LMO7: variants seen among roughly 807,000 people sequenced by gnomAD.
LMO7 encodes LIM domain 7.
Under a neutral mutation model 206.5 loss-of-function variants are expected in LMO7, and 120 were observed. The ratio of observed to expected loss-of-function variants is 0.58; its 90% CI spans 0.50 to 0.68. LMO7 has a LOEUF of 0.68. Ranked by LOEUF, LMO7 falls within the 30% of genes least tolerant of loss-of-function variation. The pLI, the probability that LMO7 is intolerant of heterozygous loss-of-function variation, is 0.00. For missense variants in LMO7, 1,959 were observed against 1,957.9 expected (o/e 1.00, Z -0.01); for synonymous variants, 706 against 681.5 (o/e 1.04, Z -0.56).
chr13:75,725,454 C>A (rs2044389763), intron 2 of LMO7, among the ~76,000 whole-genome samples: 1 of 152,106 alleles, frequency 6.6e-6, no homozygotes, highest in African/African-American at 2.4e-5. Flanking sequence ...AATTATGTTC[C>A]TATTCAGTAA....
intron 15 of LMO7, 22 bp downstream of exon 15, chr13:75,823,895 A>G (rs1453104140): frequency 6.3e-7 from 1 of 1,593,920 alleles, no homozygotes; most frequent in Admixed American, 1.7e-5. Context: ...AAAGTTCTTT[A>G]TCATCTGTGG....
chr13:75,637,078 G>T (rs1338672384), intron 1 of LMO7, among the ~76,000 whole-genome samples: 1 of 152,156 alleles, frequency 6.6e-6, no homozygotes, highest in Non-Finnish European at 1.5e-5. Flanking sequence ...AGAGCGCGCG[G>T]TGCAGAGCTG....
chr13:75,824,829 G>GTA (rs200826029), intron 15 of LMO7, among the ~76,000 whole-genome samples: 1 of 151,556 alleles, frequency 6.6e-6, no homozygotes, highest in Middle Eastern at 3.2e-3. Flanking sequence ...GTGTGTGTGT[G>GTA]TATATATATT....
chr13:75,768,331 G>A (rs1032191591), intron 4 of LMO7, among the ~76,000 whole-genome samples: 6 of 151,850 alleles, frequency 4.0e-5, no homozygotes, highest in Admixed American at 1.3e-4. Flanking sequence ...AAACAAATGT[G>A]TTTTTCTGAC....
At position 75,853,281 on chromosome 13, in the gene LMO7, A is replaced by C. The variant is rs746631230; in HGVS notation, c.4554A>C (p.Ser1518=). The C allele has an allele frequency of 1.2e-6, 2 of 1,614,040 alleles. No individual in the cohort carries two copies. Among genetic ancestry groups the C allele is most frequent in the Non-Finnish European group, 8.5e-7 (1 of 1,179,998 alleles). Residue 1518 remains serine, a synonymous_variant, in exon 28 of 31, where the codon TCA becomes TCC. Transcript: ENST00000377534. ...CCTCCTCCAGCGTGCCCCCACCTTC[A>C]GCTGGCTCCGTGAAGACCTCCACCA... ...RNPSSSVPPP[S]AGSVKTSTTG...
At position 75,800,885 on chromosome 13, in the gene LMO7, G is replaced by C. The variant is rs1286239126; in HGVS notation, c.661+3G>C. 6.2e-6 allele frequency: 10 copies of C among 1,613,394 alleles called. No homozygotes were observed. Among genetic ancestry groups the C allele is most frequent in the Non-Finnish European group, 8.5e-6 (10 of 1,179,496 alleles). ...CACGTTGAGAGGGGGGCGTGAAGGT[G>C]TGTTGTGTTTTGGCTGTCAGTTTAT... On this transcript the variant is annotated splice_donor_region_variant and intron_variant, in intron 7 of 30. Transcript: ENST00000377534.
At chr13:75,822,345 T>C (rs2057664392) in intron 14 of LMO7, among the ~76,000 whole-genome samples, 1 of 152,148 alleles carries the variant, frequency 6.6e-6, no homozygotes, top group Non-Finnish European at 1.5e-5. Context: ...AAACTCCTGA[T>C]CATTATATAA....
At chr13:75,644,005 T>C (rs188983885) in intron 1 of LMO7, among the ~76,000 whole-genome samples, 46 of 152,324 alleles carry the variant, frequency 3.0e-4, no homozygotes, top group African/African-American at 1.1e-3. Context: ...TTTGTATGGA[T>C]TCAGAGGGCA....
chr13:75,726,965 G>T, intron 2 of LMO7, 64 bp from the exon 3 acceptor site: 1 of 888,428 alleles, frequency 1.1e-6, no homozygotes, highest in East Asian at 2.5e-5. Flanking sequence ...TGATTTTTGA[G>T]AATGCTAACA....
intron 3 of LMO7, among the ~76,000 whole-genome samples, chr13:75,730,133 C>A (rs1289312194): frequency 6.6e-6 from 1 of 151,998 alleles, no homozygotes; most frequent in African/African-American, 2.4e-5. Context: ...CAGGATGATG[C>A]TGGCCTCATC....
Position 75,818,932 on chromosome 13 carries a change from A to C in LMO7, c.2065-461A>C, listed in dbSNP as rs998367871. Among the ~76,000 whole-genome samples, 7 of 152,192 alleles carry C rather than the reference A, an allele frequency of 4.6e-5. No homozygotes were observed. The Middle Eastern group carries it at 9.5e-3, about 206-fold the overall frequency. On this transcript the variant is annotated intron_variant, in intron 12 of 30. Coordinates refer to ENST00000377534, the MANE Select transcript of LMO7 (RefSeq NM_001306080.2). Reference sequence around the variant, plus strand: ...TAGTTCCTACACTTGGGCCTGCCTCAAAGTAGGGATTGAACTCTGTTTGTG... The same window carrying C: ...TAGTTCCTACACTTGGGCCTGCCTCCAAGTAGGGATTGAACTCTGTTTGTG...
chr13:75,859,515 T>A lies in LMO7; in HGVS notation c.*1572T>A, dbSNP rs1452331829. The A allele has an allele frequency of 6.6e-6, 1 of 152,242 alleles. No homozygotes were observed. The highest frequency in any genetic ancestry group is 1.5e-5 in the Non-Finnish European group (1 of 68,034). The allele number at this position is 152,242 out of a possible 1,614,324, so 9.4% of individuals were successfully genotyped here. On this transcript the variant is annotated 3_prime_UTR_variant, in exon 31 of 31. Coordinates refer to ENST00000377534, the MANE Select transcript of LMO7 (RefSeq NM_001306080.2). ...TGGTAATATTTAGTTGATAATTCCA[T>A]TACTGTGTATTTTTCACTTGTTTCT...
chr13:75,804,756 T>G lies in LMO7; in HGVS notation c.914+215T>G, dbSNP rs1444703726. 3 of 1,063,068 alleles carry G rather than the reference T, an allele frequency of 2.8e-6. No individual in the cohort carries two copies. In the Admixed American group the frequency reaches 1.1e-4, roughly 39 times the overall value. 65.9% of individuals were successfully genotyped at this position (1,063,068 alleles called of 1,614,324 possible). Reference sequence around the variant, plus strand: ...TCAGCATATGATTTGCTAGGTCTTTTTTTAGATGCATGACTTCAGTTTATT... The same window carrying G: ...TCAGCATATGATTTGCTAGGTCTTTGTTTAGATGCATGACTTCAGTTTATT... On this transcript the variant is annotated intron_variant, in intron 8 of 30. Transcript: ENST00000377534.
chr13:75,718,368 T>C (rs758833948), intron 2 of LMO7, among the ~76,000 whole-genome samples: 21 of 152,222 alleles, frequency 1.4e-4, no homozygotes, highest in Non-Finnish European at 2.8e-4. Flanking sequence ...ATCACTCTTA[T>C]TTACCTGAGG....
rs190851193 is a variant in LMO7 at position 75,842,936 on chromosome 13, G to A, written c.4097+20G>A. On this transcript the variant is annotated intron_variant, in intron 25 of 30. Coordinates refer to ENST00000377534, the MANE Select transcript of LMO7 (RefSeq NM_001306080.2). ...TGACAGGTATGTAGAGCATGTTATT[G>A]TAATTTAATTGATGATAATGGCTTC... 1.7e-4 allele frequency: 246 copies of A among 1,464,126 alleles called. No homozygotes were observed. Among genetic ancestry groups the A allele is most frequent in the Admixed American group, 1.1e-3 (67 of 59,484 alleles). 90.7% of individuals were successfully genotyped at this position (1,464,126 alleles called of 1,614,324 possible). A position where few individuals can be genotyped will look rare whatever the true frequency, so the allele number is the denominator to read the frequency against.
In LMO7 at chr13:75,724,563, G is replaced by A. The variant is rs1375352562; in HGVS notation, c.141-2466G>A. Reference sequence around the variant, plus strand: ...CTTATTATGCAAAGAAGTTCTATTTGTAGAAGAGTATTTCCATAGATGATA... The same window carrying A: ...CTTATTATGCAAAGAAGTTCTATTTATAGAAGAGTATTTCCATAGATGATA... On this transcript the variant is annotated intron_variant, in intron 2 of 30. Coordinates refer to ENST00000377534, the MANE Select transcript of LMO7 (RefSeq NM_001306080.2). 2.0e-5 allele frequency among the ~76,000 whole-genome samples: 3 copies of A among 152,136 alleles called. No homozygotes were observed. In the East Asian group the frequency reaches 5.8e-4, roughly 29 times the overall value.
rs1566304953 is a variant in LMO7 at position 75,681,736 on chromosome 13, A to ATATATATATATATATG, written c.70-31433_70-31432insATGTATATATATATAT. Reference sequence around the variant, plus strand: ...TATATATGTATATATATATATATATATATATATATATATGGAATCTTATTA... The same window carrying ATATATATATATATATG: ...TATATATGTATATATATATATATATATATATATATATATATGTATATATATATATGGAATCTTATTA... On this transcript the variant is annotated intron_variant, in intron 1 of 30. Coordinates refer to ENST00000377534, the MANE Select transcript of LMO7 (RefSeq NM_001306080.2). 2.6e-4 allele frequency among the ~76,000 whole-genome samples: 34 copies of ATATATATATATATATG among 133,232 alleles called. 1 individual carries two copies. Among genetic ancestry groups the ATATATATATATATATG allele is most frequent in the African/African-American group, 7.5e-4 (28 of 37,410 alleles). The allele number at this position is 133,232 out of a possible 152,430, so 87.4% of individuals were successfully genotyped here.
chr13:75,648,717 T>A (rs1042649788), intron 1 of LMO7, among the ~76,000 whole-genome samples: 3 of 152,212 alleles, frequency 2.0e-5, no homozygotes, highest in Non-Finnish European at 4.4e-5. Flanking sequence ...AGAGACAGTG[T>A]GTGTGGTGAG....
At chr13:75,663,499 C>T (rs1186867701) in intron 1 of LMO7, among the ~76,000 whole-genome samples, 1 of 139,398 alleles carries the variant, frequency 7.2e-6, no homozygotes, top group Non-Finnish European at 1.5e-5. Flanking sequence ...GGTGCGATGT[C>T]GGCTCACTGC....
Sources: gnomAD v4.1 joint callset for allele counts (sites outside exome capture counted in the v4.1 genomes callset) on GRCh38, gnomAD v4.1.1 for gene constraint, MANE v1.5 for transcripts, NCBI Gene and HGNC (gene_info 2026-07-23, HGNC 2026-07-21) for gene names.